The following TMEFF2 variants were observed in gnomAD, a reference collection of about 807,000 sequenced individuals.
The protein encoded by TMEFF2 is transmembrane protein with EGF like and two follistatin like domains 2, also known as tomoregulin-2.
A neutral mutation model predicts 53.8 loss-of-function variants in TMEFF2; 28 were observed. The observed-to-expected ratio is 0.52, with a 90% CI of 0.39 to 0.71. The LOEUF (loss-of-function observed/expected upper bound fraction) is 0.71. TMEFF2 is among the 30% of genes least tolerant of loss of function. TMEFF2 has a pLI of 0.00. For synonymous variants in TMEFF2, 162 were observed against 166.3 expected (o/e 0.97, Z 0.20); for missense variants, 353 against 455.2 (o/e 0.78, Z 2.04).
chr2:192,083,881 G>A (rs2105928016), intron 4 of TMEFF2, among the ~76,000 whole-genome samples: 1 of 151,988 alleles, frequency 6.6e-6, no homozygotes, highest in South Asian at 2.1e-4. Flanking sequence ...GGTGTTGCAG[G>A]TAAAAGGGGT....
chr2:192,187,650 T>C (rs1016245133), intron 2 of TMEFF2, among the ~76,000 whole-genome samples: 4 of 152,204 alleles, frequency 2.6e-5, no homozygotes, highest in Non-Finnish European at 5.9e-5. Flanking sequence ...GTTAGGTCCA[T>C]AAACGTATGT....
At chr2:192,130,115 A>G (rs1315971861) in intron 4 of TMEFF2, among the ~76,000 whole-genome samples, 1 of 152,224 alleles carries the variant, frequency 6.6e-6, no homozygotes, top group Non-Finnish European at 1.5e-5. Context: ...CGTACGTATT[A>G]ACAATCTTAA....
At chr2:192,046,246 C>T (rs1687618040) in intron 5 of TMEFF2, among the ~76,000 whole-genome samples, 2 of 152,090 alleles carry the variant, frequency 1.3e-5, no homozygotes, top group Non-Finnish European at 2.9e-5. Context: ...CACCTGTAGT[C>T]CCAGCTACTT....
chr2:192,155,373 T>C (rs1559149391), intron 4 of TMEFF2, among the ~76,000 whole-genome samples: 1 of 152,014 alleles, frequency 6.6e-6, no homozygotes, highest in East Asian at 1.9e-4. Context: ...AGCGTGGGTT[T>C]TTAAGTAAAA....
chr2:192,009,133 C>G (rs960339111), intron 5 of TMEFF2, among the ~76,000 whole-genome samples: 1 of 152,150 alleles, frequency 6.6e-6, no homozygotes, highest in African/African-American at 2.4e-5. Context: ...GTAGTCCTAC[C>G]TGGTGATATG....
chr2:192,040,925 A>T (rs1687461575), intron 5 of TMEFF2, among the ~76,000 whole-genome samples: 1 of 152,222 alleles, frequency 6.6e-6, no homozygotes, highest in Non-Finnish European at 1.5e-5. Flanking sequence ...ATCTACATGT[A>T]ACAAATGAAT....
intron 5 of TMEFF2, among the ~76,000 whole-genome samples, chr2:192,037,640 AGAAAGAGAG>A (rs1559096936): frequency 2.4e-4 from 5 of 20,918 alleles, no homozygotes; most frequent in South Asian, 3.9e-3. Context: ...AGAAAGAGAG[AGAAAGAGAG>A]AGAGAGAGAG....
chr2:191,978,183 G>C (rs1474422855), intron 7 of TMEFF2, among the ~76,000 whole-genome samples: 1 of 151,874 alleles, frequency 6.6e-6, no homozygotes, highest in Non-Finnish European at 1.5e-5. Flanking sequence ...GTATAGTTTC[G>C]GATGTAGCCA....
intron 4 of TMEFF2, among the ~76,000 whole-genome samples, chr2:192,118,308 G>T (rs900760038): frequency 2.0e-5 from 3 of 147,210 alleles, no homozygotes; most frequent in African/African-American, 8.1e-5. Flanking sequence ...GCCAGTTTTT[G>T]AGAGTTCTGT....
At chr2:192,149,719 G>T (rs1015106330) in intron 4 of TMEFF2, among the ~76,000 whole-genome samples, 1 of 151,890 alleles carries the variant, frequency 6.6e-6, no homozygotes, top group African/African-American at 2.4e-5. Flanking sequence ...CTTAAGAACA[G>T]TAAATAACCT....
intron 8 of TMEFF2, among the ~76,000 whole-genome samples, chr2:191,955,422 C>A (rs1275003299): frequency 6.7e-6 from 1 of 149,906 alleles, no homozygotes; most frequent in Non-Finnish European, 1.5e-5. Context: ...GACCATAGCT[C>A]ACTGCAGGCT....
intron 4 of TMEFF2, among the ~76,000 whole-genome samples, chr2:192,168,422 G>A (rs962655777): frequency 2.6e-4 from 39 of 152,030 alleles, no homozygotes; most frequent in African/African-American, 8.9e-4. Flanking sequence ...AGTCATTTGG[G>A]ATTTGAATAA....
intron 4 of TMEFF2, among the ~76,000 whole-genome samples, chr2:192,132,129 A>C (rs1054545063): frequency 1.3e-5 from 2 of 151,918 alleles, no homozygotes; most frequent in Admixed American, 1.3e-4. Flanking sequence ...GCTAGGCCCC[A>C]ATTCTTCCTC....
intron 4 of TMEFF2, among the ~76,000 whole-genome samples, chr2:192,140,566 C>G (rs567390272): frequency 3.3e-5 from 5 of 151,950 alleles, no homozygotes; most frequent in African/African-American, 1.2e-4. Flanking sequence ...AAGAGGATGA[C>G]CAGAATGGAG....
intron 4 of TMEFF2, among the ~76,000 whole-genome samples, chr2:192,093,822 T>TA (rs5837284): frequency 0.42 from 61,216 of 146,262 alleles, 14,287 homozygotes; most frequent in East Asian, 0.62. Context: ...ATATATTTCT[T>TA]AAAAAAAAAA....
intron 5 of TMEFF2, among the ~76,000 whole-genome samples, chr2:192,048,992 T>A (rs145790328): frequency 6.6e-6 from 1 of 152,298 alleles, no homozygotes; most frequent in East Asian, 1.9e-4. Context: ...TACAAAGAAA[T>A]ATATTTTATA....
intron 5 of TMEFF2, among the ~76,000 whole-genome samples, chr2:192,038,332 TA>T (rs937323546): frequency 6.6e-6 from 1 of 152,288 alleles, no homozygotes; most frequent in Non-Finnish European, 1.5e-5. Context: ...ACTGGAATAC[TA>T]ATAGTACATA....
intron 4 of TMEFF2, among the ~76,000 whole-genome samples, chr2:192,140,873 T>C (rs1335618763): frequency 6.6e-6 from 1 of 152,158 alleles, no homozygotes; most frequent in Non-Finnish European, 1.5e-5. Context: ...GTAGAGTTGA[T>C]TTCTGAATAG....
At chr2:192,088,343 T>A (rs1173731423) in intron 4 of TMEFF2, among the ~76,000 whole-genome samples, 1 of 152,058 alleles carries the variant, frequency 6.6e-6, no homozygotes. Flanking sequence ...CATGGACTAT[T>A]AACGTTGACT....
Sources: gnomAD v4.1 joint callset for allele counts (sites outside exome capture counted in the v4.1 genomes callset) on GRCh38, gnomAD v4.1.1 for gene constraint, MANE v1.5 for transcripts, NCBI Gene and HGNC (gene_info 2026-07-23, HGNC 2026-07-21) for gene names.